The following CSTPP1 variants were observed in gnomAD, a reference collection of about 807,000 sequenced individuals.
CSTPP1 encodes centriolar satellite-associated tubulin polyglutamylase complex regulator 1, also known as UPF0705 protein C11orf49.
the CSTPP1 span, among the ~76,000 whole-genome samples, chr11:46,945,572 G>A: frequency 3.3e-5 from 5 of 151,946 alleles, no homozygotes; most frequent in Non-Finnish European, 5.9e-5. Flanking sequence ...CTGAGATCAC[G>A]CCAGTGCACT....
chr11:47,010,307 G>A, the CSTPP1 span, among the ~76,000 whole-genome samples: 1 of 152,286 alleles, frequency 6.6e-6, no homozygotes, highest in South Asian at 2.1e-4. Flanking sequence ...AAAAGAGTGG[G>A]ACCAGCTTTT....
At chr11:47,161,158 C>T in the CSTPP1 span, 16 of 1,614,074 alleles carry the variant, frequency 9.9e-6, no homozygotes, top group Non-Finnish European at 1.2e-5. Context: ...ATCTGATGCA[C>T]GACCCAGCAA....
chr11:47,137,187 G>A, the CSTPP1 span: 2 of 979,976 alleles, frequency 2.0e-6, no homozygotes, highest in Non-Finnish European at 2.8e-6. Flanking sequence ...TCCCTACACA[G>A]CAAGACTGTT....
At chr11:47,077,494 C>T in the CSTPP1 span, among the ~76,000 whole-genome samples, 1 of 152,118 alleles carries the variant, frequency 6.6e-6, no homozygotes, top group Non-Finnish European at 1.5e-5. Context: ...GCCACTACAC[C>T]CAGCCGAGGA....
At chr11:47,163,980 C>A in the CSTPP1 span, 1 of 1,251,688 alleles carries the variant, frequency 8.0e-7, no homozygotes, top group Non-Finnish European at 1.1e-6. Context: ...AAACCCATCC[C>A]CAGTCAAGCC....
At chr11:47,030,642 A>G in the CSTPP1 span, among the ~76,000 whole-genome samples, 3 of 152,084 alleles carry the variant, frequency 2.0e-5, no homozygotes, top group Non-Finnish European at 2.9e-5. Flanking sequence ...AGTACCCATT[A>G]GTTGTTTTCC....
At chr11:47,078,844 G>C in the CSTPP1 span, among the ~76,000 whole-genome samples, 1 of 152,174 alleles carries the variant, frequency 6.6e-6, no homozygotes, top group Non-Finnish European at 1.5e-5. Flanking sequence ...GTGATGCCAA[G>C]TTAAAAGGAG....
chr11:47,085,571 A>G, the CSTPP1 span, among the ~76,000 whole-genome samples: 1 of 152,136 alleles, frequency 6.6e-6, no homozygotes, highest in Admixed American at 6.6e-5. Flanking sequence ...AATGATTTCA[A>G]GTTCCTTAAT....
the CSTPP1 span, among the ~76,000 whole-genome samples, chr11:47,044,072 T>C: frequency 6.6e-6 from 1 of 151,994 alleles, no homozygotes; most frequent in African/African-American, 2.4e-5. Context: ...CTGCAACCTC[T>C]GCCTCCCAGG....
the CSTPP1 span, among the ~76,000 whole-genome samples, chr11:47,080,765 T>C: frequency 1.3e-5 from 2 of 151,850 alleles, no homozygotes; most frequent in Non-Finnish European, 2.9e-5. Flanking sequence ...TCCTAGCACG[T>C]TGGGAGGCCG....
the CSTPP1 span, chr11:47,161,238 G>T: frequency 6.2e-7 from 1 of 1,613,884 alleles, no homozygotes; most frequent in Non-Finnish European, 8.5e-7. Flanking sequence ...GGCCAGACGG[G>T]TCGGACACGG....
the CSTPP1 span, among the ~76,000 whole-genome samples, chr11:47,128,626 G>A: frequency 0.081 from 12,360 of 152,176 alleles, 517 homozygotes; most frequent in Non-Finnish European, 0.09. Context: ...GGGTTCAAGC[G>A]ATTCTCCCGT....
At chr11:46,967,990 G>A in the CSTPP1 span, among the ~76,000 whole-genome samples, 4 of 151,830 alleles carry the variant, frequency 2.6e-5, no homozygotes, top group East Asian at 1.9e-4. Flanking sequence ...AGGGAAGGGC[G>A]GAAGAAAGCA....
the CSTPP1 span, among the ~76,000 whole-genome samples, chr11:47,018,940 G>A: frequency 6.6e-6 from 1 of 151,880 alleles, no homozygotes; most frequent in Non-Finnish European, 1.5e-5. Flanking sequence ...TTTGTAATCT[G>A]CAAATATTTT....
chr11:47,091,998 A>G, the CSTPP1 span, among the ~76,000 whole-genome samples: 2 of 152,226 alleles, frequency 1.3e-5, no homozygotes, highest in African/African-American at 2.4e-5. Context: ...AAATTGTAGT[A>G]ATATTTTATA....
the CSTPP1 span, among the ~76,000 whole-genome samples, chr11:47,038,054 G>C: frequency 2.3e-4 from 24 of 104,300 alleles, no homozygotes; most frequent in South Asian, 6.9e-4. Flanking sequence ...GGGCGGCCGG[G>C]CAGAGGCGCC....
At chr11:47,081,153 C>T in the CSTPP1 span, among the ~76,000 whole-genome samples, 1 of 151,764 alleles carries the variant, frequency 6.6e-6, no homozygotes, top group African/African-American at 2.4e-5. Context: ...AATCATAAAC[C>T]TGTCAGTGCT....
chr11:47,046,310 C>T, the CSTPP1 span, among the ~76,000 whole-genome samples: 4 of 148,764 alleles, frequency 2.7e-5, no homozygotes, highest in South Asian at 8.4e-4. Flanking sequence ...ACTTCTAGAG[C>T]TTATAAATGA....
the CSTPP1 span, among the ~76,000 whole-genome samples, chr11:47,090,264 C>T: frequency 9.2e-5 from 14 of 152,242 alleles, no homozygotes; most frequent in East Asian, 5.8e-4. Context: ...GGATTACAGG[C>T]GTGAGCCACT....
Sources: allele counts gnomAD v4.1 joint callset (sites outside exome capture counted in the v4.1 genomes callset), GRCh38; gene constraint gnomAD v4.1.1; transcripts MANE v1.5; gene names NCBI Gene and HGNC (gene_info 2026-07-23, HGNC 2026-07-21).